The following GLIS3 variants were observed in gnomAD, a reference collection of about 807,000 sequenced individuals.
The protein encoded by GLIS3 is GLIS family zinc finger 3.
A neutral mutation model predicts 78.6 loss-of-function variants in GLIS3; 53 were observed. The ratio of observed to expected loss-of-function variants is 0.67; its 90% CI spans 0.54 to 0.85. GLIS3 has a LOEUF of 0.85. Among genes scored for constraint, GLIS3 ranks in the 40% least tolerant of loss-of-function variants. The pLI, the probability that GLIS3 is intolerant of heterozygous loss-of-function variation, is 0.00. For synonymous variants in GLIS3, 684 were observed against 509.9 expected, an observed-to-expected ratio of 1.34 and a Z score of -4.60; for missense variants, 1,703 against 1,231.1, an observed-to-expected ratio of 1.38 and a Z score of -5.74.
chr9:4,447,790 C>T, the GLIS3 span, among the ~76,000 whole-genome samples: 3 of 152,228 alleles, frequency 2.0e-5, no homozygotes, highest in Admixed American at 6.5e-5. Context: ...TTATGGAAAG[C>T]AGCCAGCCTC....
At chr9:4,089,428 G>A (rs57259945) in intron 4 of GLIS3, among the ~76,000 whole-genome samples, 15,285 of 151,822 alleles carry the variant, frequency 0.1, 870 homozygotes, top group Non-Finnish European at 0.13. Context: ...TTACATACAC[G>A]ACCTTACAAA....
At chr9:4,263,424 T>G (rs1825707991) in intron 2 of GLIS3, among the ~76,000 whole-genome samples, 1 of 152,088 alleles carries the variant, frequency 6.6e-6, no homozygotes, top group African/African-American at 2.4e-5. Flanking sequence ...AGATGCCAGG[T>G]GTATGTTTTA....
chr9:4,030,721 C>G (rs1196253522), intron 4 of GLIS3, among the ~76,000 whole-genome samples: 3 of 152,170 alleles, frequency 2.0e-5, no homozygotes, highest in African/African-American at 7.2e-5. Flanking sequence ...TTGACCCCAT[C>G]CCTCTTGATG....
chr9:3,990,824 C>G (rs1016468196), intron 4 of GLIS3, among the ~76,000 whole-genome samples: 3 of 152,136 alleles, frequency 2.0e-5, no homozygotes, highest in Non-Finnish European at 4.4e-5. Flanking sequence ...AAATTTCATA[C>G]AAATTTAATG....
chr9:3,872,798 T>TA (rs1265005745), intron 8 of GLIS3, among the ~76,000 whole-genome samples: 1 of 152,162 alleles, frequency 6.6e-6, no homozygotes, highest in Non-Finnish European at 1.5e-5. Flanking sequence ...GGGAAGTTTG[T>TA]AGCAATAAAT....
At chr9:4,405,548 G>A in the GLIS3 span, among the ~76,000 whole-genome samples, 2 of 151,982 alleles carry the variant, frequency 1.3e-5, no homozygotes, top group African/African-American at 2.4e-5. Flanking sequence ...AACCTGAACA[G>A]ACCAATAACA....
At chr9:4,449,557 C>T in the GLIS3 span, among the ~76,000 whole-genome samples, 2 of 152,212 alleles carry the variant, frequency 1.3e-5, no homozygotes, top group Non-Finnish European at 1.5e-5. Context: ...AACTGGGAGA[C>T]ATCTCCCAGT....
chr9:4,375,014 T>G, the GLIS3 span, among the ~76,000 whole-genome samples: 1 of 152,240 alleles, frequency 6.6e-6, no homozygotes, highest in African/African-American at 2.4e-5. Flanking sequence ...CTGTTGGACA[T>G]TTGTGTTGTT....
chr9:4,007,336 C>T (rs1004401402), intron 4 of GLIS3, among the ~76,000 whole-genome samples: 5 of 152,132 alleles, frequency 3.3e-5, no homozygotes, highest in African/African-American at 1.2e-4. Flanking sequence ...TGCCCCCACA[C>T]CTCAGGCTGA....
At chr9:4,141,307 G>T (rs535651829) in intron 2 of GLIS3, among the ~76,000 whole-genome samples, 1 of 152,146 alleles carries the variant, frequency 6.6e-6, no homozygotes, top group Admixed American at 6.6e-5. Flanking sequence ...GGAAGGCAGT[G>T]GGGGTAAAAG....
chr9:4,019,107 G>A (rs111312480), intron 4 of GLIS3, among the ~76,000 whole-genome samples: 93 of 152,256 alleles, frequency 6.1e-4, no homozygotes, highest in African/African-American at 2.1e-3. Context: ...CATTTGATGC[G>A]GGATGAAGGA....
At chr9:4,259,725 A>C (rs537968873) in intron 2 of GLIS3, among the ~76,000 whole-genome samples, 1 of 152,200 alleles carries the variant, frequency 6.6e-6, no homozygotes, top group Non-Finnish European at 1.5e-5. Context: ...CTCTATTCAC[A>C]GATGGGGTGG....
chr9:4,256,899 T>C (rs1479470178), intron 2 of GLIS3, among the ~76,000 whole-genome samples: 1 of 152,208 alleles, frequency 6.6e-6, no homozygotes, highest in Non-Finnish European at 1.5e-5. Flanking sequence ...TGTACTCCCA[T>C]GTTCACTGAA....
intron 6 of GLIS3, among the ~76,000 whole-genome samples, chr9:3,920,469 G>T (rs1440607902): frequency 6.6e-6 from 1 of 152,136 alleles, no homozygotes; most frequent in Non-Finnish European, 1.5e-5. Flanking sequence ...GATAGAGACG[G>T]GAGATGGGGA....
chr9:4,113,331 C>G (rs778921001), intron 4 of GLIS3, among the ~76,000 whole-genome samples: 8 of 152,088 alleles, frequency 5.3e-5, no homozygotes, highest in Non-Finnish European at 1.2e-4. Context: ...CCACCATATA[C>G]AAAAGCTTCT....
the GLIS3 span, among the ~76,000 whole-genome samples, chr9:4,467,734 C>G: frequency 6.6e-6 from 1 of 152,172 alleles, no homozygotes; most frequent in African/African-American, 2.4e-5. Flanking sequence ...TCTTCACCCC[C>G]AAAGGAAGAC....
chr9:4,055,278 T>C (rs966808578), intron 4 of GLIS3, among the ~76,000 whole-genome samples: 10 of 152,108 alleles, frequency 6.6e-5, no homozygotes, highest in Non-Finnish European at 1.5e-4. Flanking sequence ...AGATGTCGAG[T>C]CTGACTAAGC....
chr9:4,106,927 G>T (rs559975026), intron 4 of GLIS3, among the ~76,000 whole-genome samples: 30 of 152,202 alleles, frequency 2.0e-4, no homozygotes, highest in African/African-American at 6.5e-4. Context: ...TTTGGACAAG[G>T]TGGGAAAAAC....
At chr9:4,449,608 G>C in the GLIS3 span, among the ~76,000 whole-genome samples, 2 of 152,152 alleles carry the variant, frequency 1.3e-5, 1 homozygote, top group Non-Finnish European at 2.9e-5. Context: ...AACCCCATTG[G>C]GATGAAGCTT....
Sources: allele counts gnomAD v4.1 joint callset (sites outside exome capture counted in the v4.1 genomes callset), GRCh38; gene constraint gnomAD v4.1.1; transcripts MANE v1.5; gene names NCBI Gene and HGNC (gene_info 2026-07-23, HGNC 2026-07-21).